Variants in EEA1 observed in about 807,000 individuals in gnomAD.
EEA1 encodes early endosome antigen 1, 162kD.
EEA1 carries 111 observed loss-of-function variants against 209.2 expected under a neutral mutation model. The ratio of observed to expected loss-of-function variants is 0.53; its 90% CI spans 0.45 to 0.62. EEA1 has a LOEUF of 0.62. Ranked by LOEUF, EEA1 falls within the 20% of genes least tolerant of loss-of-function variation. The probability of loss-of-function intolerance (pLI) is 0.00; values close to 1 mark genes in which losing one functional copy is unlikely to be tolerated. For missense variants in EEA1, 1,343 were observed against 1,530.8 expected, an observed-to-expected ratio of 0.88 and a Z score of 2.05; for synonymous variants, 536 against 540.6, an observed-to-expected ratio of 0.99 and a Z score of 0.12.
Position 92,811,367 on chromosome 12 carries a change from C to T in EEA1, c.2111G>A (p.Cys704Tyr). Residue 704 changes from cysteine to tyrosine, a missense_variant, in exon 17 of 29, where the codon TGC becomes TAC. Physicochemically the swap from Cys to Tyr is radical, Grantham distance 194 (BLOSUM62 -2). Around this residue, in one of 3 missense-constraint regions of EEA1, gnomAD observed 1,307 missense variants for 1,465.5 expected, o/e 0.89. Coordinates refer to ENST00000322349, the MANE Select transcript of EEA1 (RefSeq NM_003566.4). ...TTTAAGATGACTTTCCAGCTGACTGCAATGTTCTTGCTTGTCTTGTAACTT... is the reference window on the plus strand; with the variant it reads ...TTTAAGATGACTTTCCAGCTGACTGTAATGTTCTTGCTTGTCTTGTAACTT... ...TAKLQDKQEH[C>Y]SQLESHLKEY... The T allele has an allele frequency of 6.2e-7, 1 of 1,606,606 alleles. No individual in the cohort carries two copies. Among genetic ancestry groups the T allele is most frequent in the Non-Finnish European group, 8.5e-7 (1 of 1,176,884 alleles).
intron 1 of EEA1, among the ~76,000 whole-genome samples, chr12:92,921,766 A>G (rs1881007644): frequency 1.3e-5 from 2 of 149,014 alleles, no homozygotes; most frequent in African/African-American, 2.5e-5. Flanking sequence ...AAAGAAAAAA[A>G]AAAAAAAAAA....
intron 1 of EEA1, among the ~76,000 whole-genome samples, chr12:92,925,745 C>T (rs1881185100): frequency 1.3e-5 from 2 of 152,148 alleles, no homozygotes; most frequent in South Asian, 2.1e-4. Context: ...CAGAGAAACA[C>T]CTTAGTAAGC....
At chr12:92,874,388 C>G (rs951210672) in intron 2 of EEA1, among the ~76,000 whole-genome samples, 6 of 152,188 alleles carry the variant, frequency 3.9e-5, no homozygotes, top group Non-Finnish European at 7.3e-5. Flanking sequence ...TTGTTTGAGA[C>G]AGAGTCTCGC....
chr12:92,923,144 G>A (rs914387529), intron 1 of EEA1, among the ~76,000 whole-genome samples: 3 of 151,830 alleles, frequency 2.0e-5, no homozygotes, highest in Admixed American at 6.6e-5. Flanking sequence ...TCAGGAGATC[G>A]AGACCATCCT....
chr12:92,794,176 T>C (rs1874543558), intron 21 of EEA1, among the ~76,000 whole-genome samples: 1 of 152,154 alleles, frequency 6.6e-6, no homozygotes, highest in Admixed American at 6.5e-5. Context: ...AAAACCACTA[T>C]GAGATACCAT....
chr12:92,779,159 C>G lies in EEA1; in HGVS notation c.3610G>C (p.Glu1204Gln). The G allele has an allele frequency of 6.2e-7, 1 of 1,608,930 alleles. No homozygotes were observed. The highest frequency in any genetic ancestry group is 8.5e-7 in the Non-Finnish European group (1 of 1,178,798). ...QILKDQVKKE[E>Q]EELKKEFIEK... ...ATAAATTCTTTCTTCAGCTCCTCTT[C>G]TTCCTTTTTCACCTGGTCTTTTAGT... Residue 1204 changes from glutamate to glutamine, a missense_variant, in exon 25 of 29, where the codon GAA (glutamate) becomes CAA (glutamine). Around this residue, in one of 3 missense-constraint regions of EEA1, gnomAD observed 1,307 missense variants for 1,465.5 expected, o/e 0.89. Transcript: ENST00000322349.
At position 92,816,286 on chromosome 12, in the gene EEA1, G is replaced by A. The variant is rs775088371; in HGVS notation, c.1843C>T (p.Arg615Cys). Residue 615 changes from arginine (R) to cysteine (C), a missense_variant, in exon 15 of 29, where the codon CGT (arginine) becomes TGT (cysteine). Arg to Cys is a radical substitution (Grantham distance 180, BLOSUM62 -3). Transcript: ENST00000322349. ...ACACTAGTTTCTAGGGAAAGGACAC[G>A]GTCTTGTGCAGCTCTAAGATGTGCC... The part of the protein sequence containing the change: ...QKAHLRAAQD[R>C]VLSLETSVNE... 36 of 1,613,780 alleles carry A rather than the reference G, an allele frequency of 2.2e-5. No homozygotes were observed. Among genetic ancestry groups the A allele is most frequent in the Non-Finnish European group, 2.7e-5 (32 of 1,179,894 alleles).
intron 2 of EEA1, chr12:92,883,659 TTC>T: frequency 1.6e-6 from 1 of 628,138 alleles, no homozygotes; most frequent in East Asian, 2.5e-5. Context: ...ATATTTTCTT[TTC>T]TCTATCTTAC....
chr12:92,858,158 G>C, intron 3 of EEA1: 1 of 620,174 alleles, frequency 1.6e-6, no homozygotes, highest in East Asian at 2.8e-5. Context: ...GTTGGTGGGG[G>C]AAGGCCCACC....
At chr12:92,820,708 C>T (rs1439820158) in intron 13 of EEA1, among the ~76,000 whole-genome samples, 4 of 151,756 alleles carry the variant, frequency 2.6e-5, no homozygotes, top group Non-Finnish European at 5.9e-5. Context: ...ACATGTGTAA[C>T]TATGTAACAA....
At chr12:92,885,068 TAA>T (rs1879323395) in intron 2 of EEA1, among the ~76,000 whole-genome samples, 1 of 151,504 alleles carries the variant, frequency 6.6e-6, no homozygotes, top group African/African-American at 2.4e-5. Context: ...ATACTGTATA[TAA>T]TATATATATA....
intron 1 of EEA1, among the ~76,000 whole-genome samples, chr12:92,927,318 G>A (rs1881251027): frequency 6.6e-6 from 1 of 152,298 alleles, no homozygotes; most frequent in South Asian, 2.1e-4. Flanking sequence ...TGCCAATAGC[G>A]CCGACGTTAA....
At position 92,851,137 on chromosome 12, in the gene EEA1, A is replaced by G; in HGVS notation, c.772T>C (p.Leu258=). The change falls in exon 9 of 29, where the codon TTG becomes CTG. Residue 258 remains leucine, a synonymous_variant. Transcript: ENST00000322349. ...TCTGAGCTAGCATATTGTGACTGCA[A>G]TTTTTTGCATTCATCTTTGAGTTTT... ...SEKLKDECKK[L]QSQYASSEAT... 1.2e-6 allele frequency: 2 copies of G among 1,613,696 alleles called. No homozygotes were observed. The highest frequency in any genetic ancestry group is 3.3e-5 in the Admixed American group (2 of 59,958).
intron 15 of EEA1, among the ~76,000 whole-genome samples, chr12:92,813,638 C>T (rs1875629998): frequency 6.6e-6 from 1 of 152,050 alleles, no homozygotes; most frequent in African/African-American, 2.4e-5. Context: ...TAAAATCAAA[C>T]AAGCAAAAAG....
intron 3 of EEA1, among the ~76,000 whole-genome samples, chr12:92,857,810 G>A (rs1877946840): frequency 6.6e-6 from 1 of 152,130 alleles, no homozygotes; most frequent in Non-Finnish European, 1.5e-5. Flanking sequence ...ATTGTAGTTA[G>A]CATAAAATCT....
intron 1 of EEA1, among the ~76,000 whole-genome samples, chr12:92,897,691 C>CCTCT (rs1879949083): frequency 6.6e-6 from 1 of 152,080 alleles, no homozygotes; most frequent in Non-Finnish European, 1.5e-5. Flanking sequence ...CAGTCACGAC[C>CCTCT]CTCTACCAGT....
At position 92,773,949 on chromosome 12, in the gene EEA1, T is replaced by G. The variant is rs1427845810; in HGVS notation, c.*2062A>C. 6.7e-6 allele frequency: 1 copy of G among 149,484 alleles called. No individual in the cohort carries two copies. The highest frequency in any genetic ancestry group is 1.5e-5 in the Non-Finnish European group (1 of 67,070). 9.3% of individuals were successfully genotyped at this position (149,484 alleles called of 1,614,324 possible). On this transcript the variant is annotated 3_prime_UTR_variant, in exon 29 of 29. Transcript: ENST00000322349. The stretch of plus-strand genomic sequence containing the variant: ...TCTTAAAATTTTTTTGTGAGTATTT[T>G]GGGGGTAAAGGGGAGACAGACAGAA...
At chr12:92,855,480 T>C (rs930710850) in intron 5 of EEA1, among the ~76,000 whole-genome samples, 1 of 136,330 alleles carries the variant, frequency 7.3e-6, no homozygotes, top group Non-Finnish European at 1.6e-5. Flanking sequence ...ACTAAAAAAA[T>C]TGGCTTTATA....
At chr12:92,902,875 C>T (rs1299950032) in intron 1 of EEA1, among the ~76,000 whole-genome samples, 1 of 151,472 alleles carries the variant, frequency 6.6e-6, no homozygotes, top group Non-Finnish European at 1.5e-5. Context: ...AAATCATAAG[C>T]AACCTATATG....
Sources: gnomAD v4.1 joint callset for allele counts (sites outside exome capture counted in the v4.1 genomes callset) on GRCh38, gnomAD v4.1.1 for gene constraint, gnomAD v4.1.1 regional missense constraint, MANE v1.5 for transcripts, NCBI Gene and HGNC (gene_info 2026-07-23, HGNC 2026-07-21) for gene names.